Variants in LRP1B observed in about 807,000 individuals in gnomAD.
The protein encoded by LRP1B is LDL receptor related protein 1B.
In LRP1B, 217 loss-of-function variants were observed where a neutral mutation model predicts 556.6. The ratio of observed to expected loss-of-function variants is 0.39; its 90% CI spans 0.35 to 0.44. The LOEUF (loss-of-function observed/expected upper bound fraction) is 0.44, where lower values mean the gene tolerates loss of function less well. Among genes scored for constraint, LRP1B ranks in the 20% least tolerant of loss-of-function variants. LRP1B has a pLI of 1.00. For missense variants in LRP1B, 5,053 were observed against 5,620.8 expected (o/e 0.90, Z 3.23); for synonymous variants, 2,047 against 1,865.8 (o/e 1.10, Z -2.50).
At chr2:140,371,734 G>A (rs1264874864) in intron 69 of LRP1B, among the ~76,000 whole-genome samples, 2 of 151,672 alleles carry the variant, frequency 1.3e-5, no homozygotes, top group Non-Finnish European at 2.9e-5. Flanking sequence ...ACTGTATAAA[G>A]CACAAAGTCA....
At position 141,666,165 on chromosome 2, in the gene LRP1B, T is replaced by C. The variant is rs537583706; in HGVS notation, c.205+144114A>G. Among the ~76,000 whole-genome samples, 4 of 152,046 alleles carry C rather than the reference T, an allele frequency of 2.6e-5. 1 individual carries two copies. The highest frequency in any genetic ancestry group is 9.6e-5 in the African/African-American group (4 of 41,474). On this transcript the variant is annotated intron_variant, in intron 2 of 90. Transcript: ENST00000389484. Reference sequence around the variant, plus strand: ...AATATTGTTTCCCTGGACTAAGGAGTGTATTTCATAAAAGAGGAGACAATT... The same window carrying C: ...AATATTGTTTCCCTGGACTAAGGAGCGTATTTCATAAAAGAGGAGACAATT...
intron 2 of LRP1B, among the ~76,000 whole-genome samples, chr2:141,615,859 C>A (rs974107362): frequency 2.6e-5 from 4 of 152,086 alleles, no homozygotes; most frequent in African/African-American, 9.7e-5. Context: ...TTGACTTTAA[C>A]GGCATAAATC....
chr2:141,787,234 C>T (rs141166052), intron 2 of LRP1B, among the ~76,000 whole-genome samples: 2 of 151,910 alleles, frequency 1.3e-5, no homozygotes, highest in African/African-American at 4.8e-5. Context: ...AATTCCACTC[C>T]TAGAAGTTCA....
intron 2 of LRP1B, among the ~76,000 whole-genome samples, chr2:141,696,043 A>T (rs1019531869): frequency 6.6e-6 from 1 of 152,010 alleles, no homozygotes; most frequent in Non-Finnish European, 1.5e-5. Flanking sequence ...TATAATTCAC[A>T]AATACCCTTT....
chr2:140,776,367 C>G, intron 32 of LRP1B, 129 bp from the exon 33 acceptor site: 1 of 561,938 alleles, frequency 1.8e-6, no homozygotes, highest in Non-Finnish European at 2.7e-6. Context: ...CTAAGGGAAA[C>G]AGTAAAATCA....
At position 141,448,548 on chromosome 2, in the gene LRP1B, G is replaced by A. The variant is rs13421882; in HGVS notation, c.343+31848C>T. 9.3e-3 allele frequency among the ~76,000 whole-genome samples: 1,417 copies of A among 152,284 alleles called. 18 individuals are homozygous for A. The highest frequency in any genetic ancestry group is 0.033 in the African/African-American group (1,356 of 41,550). On this transcript the variant is annotated intron_variant, in intron 3 of 90. Transcript: ENST00000389484. Reference sequence around the variant, plus strand: ...TGAAACCCAGGGCCTTGGTGGTGTAGGTCTGTGGGTTGCGAAGACCATGGC... The same window carrying A: ...TGAAACCCAGGGCCTTGGTGGTGTAAGTCTGTGGGTTGCGAAGACCATGGC...
At chr2:140,614,234 G>C (rs775609357) in intron 41 of LRP1B, among the ~76,000 whole-genome samples, 59 of 151,986 alleles carry the variant, frequency 3.9e-4, no homozygotes, top group Middle Eastern at 6.8e-3. Flanking sequence ...TATTGCAATG[G>C]CATATTATTG....
At chr2:140,939,099 A>G (rs1695317638) in intron 20 of LRP1B, among the ~76,000 whole-genome samples, 1 of 152,046 alleles carries the variant, frequency 6.6e-6, no homozygotes, top group African/African-American at 2.4e-5. Flanking sequence ...GGGTAAGATA[A>G]AGAAAGAGAA....
intron 2 of LRP1B, among the ~76,000 whole-genome samples, chr2:141,578,745 T>C (rs536703619): frequency 1.0e-3 from 159 of 152,320 alleles, no homozygotes; most frequent in Non-Finnish European, 2.0e-3. Flanking sequence ...GTACGCTGCC[T>C]GAAGAAGTAA....
intron 4 of LRP1B, among the ~76,000 whole-genome samples, chr2:141,253,142 G>A (rs142043993): frequency 6.1e-4 from 93 of 152,262 alleles, no homozygotes; most frequent in African/African-American, 2.0e-3. Flanking sequence ...CGTACGAATG[G>A]CAAGGGCTGT....
intron 37 of LRP1B, among the ~76,000 whole-genome samples, chr2:140,708,450 A>C (rs1352667317): frequency 6.6e-6 from 1 of 151,704 alleles, no homozygotes. Context: ...ATGTGTATGA[A>C]GAGCACACAC....
At chr2:141,111,177 A>G (rs1205036937) in intron 7 of LRP1B, among the ~76,000 whole-genome samples, 1 of 152,182 alleles carries the variant, frequency 6.6e-6, no homozygotes, top group African/African-American at 2.4e-5. Flanking sequence ...AAAATATCAA[A>G]AATGTCAGAA....
intron 73 of LRP1B, 97 bp from the exon 74 acceptor site, chr2:140,358,213 A>C: frequency 1.7e-6 from 2 of 1,171,264 alleles, no homozygotes; most frequent in Non-Finnish European, 2.4e-6. Context: ...TACTATGAAA[A>C]ACATGGGTTT....
intron 82 of LRP1B, among the ~76,000 whole-genome samples, chr2:140,319,028 A>G (rs1452505896): frequency 6.6e-6 from 1 of 152,156 alleles, no homozygotes; most frequent in East Asian, 1.9e-4. Flanking sequence ...CAAGCACAAC[A>G]AAGTTATTTA....
At chr2:141,612,271 A>G (rs1688133588) in intron 2 of LRP1B, among the ~76,000 whole-genome samples, 1 of 152,208 alleles carries the variant, frequency 6.6e-6, no homozygotes, top group African/African-American at 2.4e-5. Flanking sequence ...AGTTGGGAAC[A>G]TTATACCAAT....
chr2:142,061,188 A>G (rs923256989), intron 1 of LRP1B, among the ~76,000 whole-genome samples: 4 of 151,964 alleles, frequency 2.6e-5, no homozygotes, highest in Admixed American at 2.6e-4. Context: ...AATAGTTCAG[A>G]ATAAAGAGTA....
intron 1 of LRP1B, among the ~76,000 whole-genome samples, chr2:141,837,178 T>A (rs574942465): frequency 5.3e-5 from 8 of 151,926 alleles, no homozygotes; most frequent in African/African-American, 1.9e-4. Flanking sequence ...ATATAGACTA[T>A]CAGGGAAAGA....
chr2:140,498,612 T>C (rs1689048169), intron 55 of LRP1B, among the ~76,000 whole-genome samples: 1 of 151,824 alleles, frequency 6.6e-6, no homozygotes, highest in Non-Finnish European at 1.5e-5. Flanking sequence ...ATGGTCTGCT[T>C]ATATTACAAG....
intron 87 of LRP1B, among the ~76,000 whole-genome samples, chr2:140,245,791 T>G (rs1262037910): frequency 6.6e-6 from 1 of 151,372 alleles, no homozygotes; most frequent in African/African-American, 2.4e-5. Flanking sequence ...TAACCTTTTA[T>G]CAACCAATTC....
Sources: gnomAD v4.1 joint callset for allele counts (sites outside exome capture counted in the v4.1 genomes callset) on GRCh38, gnomAD v4.1.1 for gene constraint, MANE v1.5 for transcripts, NCBI Gene and HGNC (gene_info 2026-07-23, HGNC 2026-07-21) for gene names.